PEBP4: variants seen among roughly 807,000 people sequenced by gnomAD.
PEBP4 encodes phosphatidylethanolamine binding protein 4.
In PEBP4, 22 loss-of-function variants were observed where a neutral mutation model predicts 23.9. The observed-to-expected ratio is 0.92, with a 90% CI of 0.66 to 1.31. The LOEUF (loss-of-function observed/expected upper bound fraction) is 1.31, where lower values mean the gene tolerates loss of function less well. Ranked by LOEUF, PEBP4 falls within the 40% of genes most tolerant of loss-of-function variation. The probability of loss-of-function intolerance (pLI) is 0.00; values close to 1 mark genes in which losing one functional copy is unlikely to be tolerated. For synonymous variants in PEBP4, 112 were observed against 99.3 expected (o/e 1.13, Z -0.76); for missense variants, 324 against 281.7 (o/e 1.15, Z -1.07).
chr8:22,736,632 T>G (rs1804865609), intron 4 of PEBP4, among the ~76,000 whole-genome samples: 1 of 152,138 alleles, frequency 6.6e-6, no homozygotes, highest in Non-Finnish European at 1.5e-5. Context: ...GCAGAAATAT[T>G]AAGTTGAAAG....
chr8:22,879,456 T>C (rs11785590), intron 3 of PEBP4: 24,222 of 152,088 alleles, frequency 0.16, 2,233 homozygotes, highest in Middle Eastern at 0.21. Context: ...GAAGAACACC[T>C]CTCAAAAGGA....
intron 3 of PEBP4, among the ~76,000 whole-genome samples, chr8:22,829,560 C>G (rs1334310887): frequency 6.6e-6 from 1 of 152,120 alleles, no homozygotes; most frequent in Admixed American, 6.5e-5. Context: ...TGCCCCCAAT[C>G]TCTTCTTCTC....
chr8:22,930,407 A>T (rs1329371632), upstream of PEBP4, among the ~76,000 whole-genome samples: 1 of 151,646 alleles, frequency 6.6e-6, no homozygotes, highest in Non-Finnish European at 1.5e-5. Context: ...TTTTATAGTT[A>T]TTTGCTTAGT....
chr8:22,821,395 A>G (rs1323524407), intron 3 of PEBP4, among the ~76,000 whole-genome samples: 1 of 152,208 alleles, frequency 6.6e-6, no homozygotes, highest in Non-Finnish European at 1.5e-5. Context: ...GTGACCGGGT[A>G]GGGCAGACGT....
chr8:22,849,859 C>T (rs1425251591), intron 3 of PEBP4, among the ~76,000 whole-genome samples: 1 of 152,168 alleles, frequency 6.6e-6, no homozygotes, highest in African/African-American at 2.4e-5. Context: ...TCATTTGTTG[C>T]TGTGGAATGC....
chr8:22,927,493 T>C (rs1158731032), intron 2 of PEBP4, 91 bp downstream of exon 2: 1 of 1,433,528 alleles, frequency 7.0e-7, no homozygotes, highest in Non-Finnish European at 9.3e-7. Context: ...GCTCAGGAGA[T>C]GGTGCTTCTT....
At chr8:22,934,749 T>A (rs541861599) in intron 1 of PEBP4, among the ~76,000 whole-genome samples, 10 of 152,208 alleles carry the variant, frequency 6.6e-5, no homozygotes, top group African/African-American at 2.2e-4. Context: ...AAATAAGTCA[T>A]TGAGTCATTG....
chr8:22,787,156 G>A (rs944446826), intron 4 of PEBP4, among the ~76,000 whole-genome samples: 3 of 152,196 alleles, frequency 2.0e-5, no homozygotes, highest in African/African-American at 7.2e-5. Flanking sequence ...GGATTCTGAT[G>A]TTTGGGCAGG....
Position 22,722,930 on chromosome 8 carries a change from G to A in PEBP4, c.517+1913C>T, listed in dbSNP as rs1347756242. Among the ~76,000 whole-genome samples the A allele has an allele frequency of 4.8e-5, 7 of 146,170 alleles. No homozygotes were observed. The East Asian group carries it at 1.4e-3, about 30-fold the overall frequency. On this transcript the variant is annotated intron_variant, in intron 6 of 6. Coordinates refer to ENST00000256404, the MANE Select transcript of PEBP4 (RefSeq NM_144962.3). ...TGGGACTATAGGCGCCCACCGCCAC[G>A]CTGGGCTAATTTTTTTTTTTTTTTG...
intron 4 of PEBP4, among the ~76,000 whole-genome samples, chr8:22,790,327 C>CCT (rs1375558355): frequency 1.3e-5 from 2 of 152,204 alleles, no homozygotes; most frequent in African/African-American, 4.8e-5. Flanking sequence ...AACCAATTAT[C>CCT]CTCAGGCCAT....
chr8:22,801,078 C>A (rs1806372125), intron 4 of PEBP4, among the ~76,000 whole-genome samples: 1 of 152,132 alleles, frequency 6.6e-6, no homozygotes, highest in South Asian at 2.1e-4. Context: ...CAGGACCTAG[C>A]AGAGCACAGA....
intron 3 of PEBP4, among the ~76,000 whole-genome samples, chr8:22,872,235 G>A (rs1376847992): frequency 6.6e-6 from 1 of 152,192 alleles, no homozygotes. Flanking sequence ...GGTGGAGTCA[G>A]GATTTGGACA....
chr8:22,728,481 A>G (rs1304029399), intron 4 of PEBP4, among the ~76,000 whole-genome samples: 2 of 152,088 alleles, frequency 1.3e-5, no homozygotes, highest in Admixed American at 1.3e-4. Flanking sequence ...TTCACCTGAT[A>G]CAGGTGAGAT....
chr8:22,777,462 C>T (rs141163365), intron 4 of PEBP4, among the ~76,000 whole-genome samples: 40 of 152,144 alleles, frequency 2.6e-4, no homozygotes, highest in Non-Finnish European at 4.4e-4. Context: ...GAGGGGGGAA[C>T]GCAGCCCTGA....
At chr8:22,903,287 C>G (rs1325362794) in intron 3 of PEBP4, among the ~76,000 whole-genome samples, 1 of 152,198 alleles carries the variant, frequency 6.6e-6, no homozygotes, top group African/African-American at 2.4e-5. Flanking sequence ...AGTTGCTTAA[C>G]CTATGTGTAC....
intron 4 of PEBP4, among the ~76,000 whole-genome samples, chr8:22,787,826 G>A (rs1806056775): frequency 6.6e-6 from 1 of 152,208 alleles, no homozygotes; most frequent in South Asian, 2.1e-4. Flanking sequence ...CCCCAAAGAA[G>A]CTGGGTCACA....
At chr8:22,855,715 G>C (rs1457204593) in intron 3 of PEBP4, among the ~76,000 whole-genome samples, 1 of 152,038 alleles carries the variant, frequency 6.6e-6, no homozygotes, top group Non-Finnish European at 1.5e-5. Flanking sequence ...ATGCAAAAAG[G>C]TACAATTTCT....
At chr8:22,801,958 C>T (rs1467978308) in intron 4 of PEBP4, among the ~76,000 whole-genome samples, 1 of 152,182 alleles carries the variant, frequency 6.6e-6, no homozygotes, top group Non-Finnish European at 1.5e-5. Context: ...ACAGTGACTT[C>T]CATCCTCTTT....
intron 4 of PEBP4, among the ~76,000 whole-genome samples, chr8:22,802,561 C>T (rs1398670922): frequency 1.3e-5 from 2 of 152,236 alleles, no homozygotes; most frequent in Non-Finnish European, 2.9e-5. Flanking sequence ...CCACAGGTCA[C>T]AAATCACTAG....
Sources: allele counts gnomAD v4.1 joint callset (sites outside exome capture counted in the v4.1 genomes callset), GRCh38; gene constraint gnomAD v4.1.1; transcripts MANE v1.5; gene names NCBI Gene and HGNC (gene_info 2026-07-23, HGNC 2026-07-21).